Variants in UTRN observed in about 807,000 individuals in gnomAD.
The protein encoded by UTRN is dystrophin-related protein 1.
In UTRN, 283 loss-of-function variants were observed where a neutral mutation model predicts 463.9. That is an observed-to-expected ratio of 0.61 (90% confidence interval 0.55 to 0.67). The LOEUF is 0.67. Ranked by LOEUF, UTRN falls within the 30% of genes least tolerant of loss-of-function variation. UTRN has a pLI of 0.00. For missense variants in UTRN, 3,922 were observed against 4,084.3 expected (o/e 0.96, Z 1.08); for synonymous variants, 1,442 against 1,431.5 (o/e 1.01, Z -0.17).
intron 54 of UTRN, among the ~76,000 whole-genome samples, chr6:144,744,165 C>T (rs2128720586): frequency 6.8e-6 from 1 of 147,208 alleles, no homozygotes; most frequent in African/African-American, 2.5e-5. Context: ...TGGCACATAA[C>T]TGTGATCCCA....
Position 144,550,974 on chromosome 6 carries a change from GCTGA to G in UTRN, c.6823_6826del (p.Asp2275Ter). On this transcript the variant is annotated frameshift_variant, in exon 48 of 75. Transcript: ENST00000367545. LOFTEE classifies it high-confidence loss of function. Reference sequence around the variant, plus strand: ...CATTTCTACTTAACAGATTACAAAGGCTGACTTAGAACAGCGCCATCCTCAGCTG... The same window carrying G: ...CATTTCTACTTAACAGATTACAAAGGCTTAGAACAGCGCCATCCTCAGCTG... 6.3e-7 allele frequency: 1 copy of G among 1,596,244 alleles called. No homozygotes were observed. Among genetic ancestry groups the G allele is most frequent in the Non-Finnish European group, 8.5e-7 (1 of 1,175,132 alleles).
chr6:144,369,134 A>G (rs1447722735), intron 2 of UTRN, among the ~76,000 whole-genome samples: 1 of 152,236 alleles, frequency 6.6e-6, no homozygotes, highest in Non-Finnish European at 1.5e-5. Flanking sequence ...AACTTTAAGA[A>G]GTTTGGGAAG....
rs956106024 is a variant in UTRN, at chr6:144,513,976, C to T, written c.5012C>T (p.Ala1671Val). ...VAHISTWLYQAEALLDEIEKK... is the reference protein window; with the variant it reads ...VAHISTWLYQVEALLDEIEKK... ...CACATAAGTACCTGGCTTTATCAAG[C>T]TGAAGCTCTATTGGATGAAATTGAA... is the stretch of plus-strand genomic sequence containing the variant. Residue 1671 changes from alanine to valine, a missense_variant, in exon 36 of 75, where the codon GCT (alanine) becomes GTT (valine). Transcript: ENST00000367545. 2 of 1,614,010 alleles carry T rather than the reference C, an allele frequency of 1.2e-6. No individual in the cohort carries two copies. The highest frequency in any genetic ancestry group is 1.7e-6 in the Non-Finnish European group (2 of 1,179,946).
intron 51 of UTRN, among the ~76,000 whole-genome samples, chr6:144,641,853 C>T (rs1411861845): frequency 1.3e-5 from 2 of 152,170 alleles, no homozygotes. Flanking sequence ...GATTGGTTGA[C>T]TTTATGCTTT....
chr6:144,676,989 G>T (rs1382274078), intron 51 of UTRN, among the ~76,000 whole-genome samples: 3 of 152,166 alleles, frequency 2.0e-5, no homozygotes, highest in Admixed American at 6.6e-5. Context: ...AGTTGTATAA[G>T]ATTTCAAAAA....
intron 60 of UTRN, 73 bp from the exon 61 acceptor site, chr6:144,781,849 C>CT (rs1775857002): frequency 1.6e-5 from 18 of 1,143,162 alleles, no homozygotes; most frequent in Non-Finnish European, 2.3e-5. Context: ...CTAGAAATGC[C>CT]TTTGTTGTGA....
chr6:144,546,701 C>A (rs2128609567), intron 46 of UTRN, among the ~76,000 whole-genome samples: 1 of 152,080 alleles, frequency 6.6e-6, no homozygotes, highest in Middle Eastern at 3.4e-3. Flanking sequence ...TCCAACTAAT[C>A]AGGAGGCAGT....
chr6:144,712,100 C>T (rs1785779781), intron 53 of UTRN, among the ~76,000 whole-genome samples: 1 of 152,138 alleles, frequency 6.6e-6, no homozygotes, highest in Admixed American at 6.6e-5. Context: ...CAGTGGGAAA[C>T]TTGTCTTTTT....
At chr6:144,842,722 C>T (rs894913445) in intron 73 of UTRN, among the ~76,000 whole-genome samples, 19 of 152,106 alleles carry the variant, frequency 1.2e-4, no homozygotes, top group African/African-American at 4.1e-4. Context: ...GCCAGTGTTT[C>T]CCAGGTTTTC....
chr6:144,443,094 A>G (rs905627395), intron 13 of UTRN, among the ~76,000 whole-genome samples: 4 of 152,252 alleles, frequency 2.6e-5, no homozygotes, highest in Admixed American at 1.3e-4. Flanking sequence ...CACAAAGGCA[A>G]TAGTGTATCT....
chr6:144,498,224 A>G (rs1793842098), intron 33 of UTRN, among the ~76,000 whole-genome samples: 2 of 152,276 alleles, frequency 1.3e-5, no homozygotes, highest in Non-Finnish European at 2.9e-5. Context: ...GGCTCAATCC[A>G]AAGATTGTAC....
At chr6:144,331,781 G>A (rs773802309) in intron 2 of UTRN, among the ~76,000 whole-genome samples, 2 of 152,112 alleles carry the variant, frequency 1.3e-5, no homozygotes, top group African/African-American at 2.4e-5. Context: ...ATAAACTCCC[G>A]GAGTTTTGCT....
chr6:144,298,980 T>C (rs369937492), intron 2 of UTRN, among the ~76,000 whole-genome samples: 2 of 152,236 alleles, frequency 1.3e-5, no homozygotes, highest in African/African-American at 4.8e-5. Flanking sequence ...ACAATATTTA[T>C]ATGCAAAAGA....
chr6:144,344,917 C>G (rs1777438667), intron 2 of UTRN, among the ~76,000 whole-genome samples: 1 of 152,108 alleles, frequency 6.6e-6, no homozygotes, highest in South Asian at 2.1e-4. Flanking sequence ...AAGTTTACTT[C>G]CGGGGTGACT....
chr6:144,745,603 G>A (rs78054985), intron 54 of UTRN, among the ~76,000 whole-genome samples: 4,687 of 152,212 alleles, frequency 0.031, 238 homozygotes, highest in African/African-American at 0.11. Flanking sequence ...AATAAATACT[G>A]CACAAGGACT....
chr6:144,600,964 C>A (rs1309090067), intron 51 of UTRN, among the ~76,000 whole-genome samples: 1 of 152,186 alleles, frequency 6.6e-6, no homozygotes, highest in Non-Finnish European at 1.5e-5. Flanking sequence ...TATGTGAAAT[C>A]TATTCTATCT....
rs559256705 is a variant in UTRN, at chr6:144,292,445, C to T, written c.79+538C>T. On this transcript the variant is annotated intron_variant, in intron 2 of 74. Coordinates refer to ENST00000367545, the MANE Select transcript of UTRN (RefSeq NM_007124.3). Reference sequence around the variant, plus strand: ...CTCAGACAGATTCATGGTTTTCACACGAACAGTTAAATTGGGGTCCTCAGG... The same window carrying T: ...CTCAGACAGATTCATGGTTTTCACATGAACAGTTAAATTGGGGTCCTCAGG... 1.6e-4 allele frequency among the ~76,000 whole-genome samples: 24 copies of T among 152,240 alleles called. No individual in the cohort carries two copies. The South Asian group carries it at 3.7e-3, about 24-fold the overall frequency.
chr6:144,305,322 A>G (rs1194295995), intron 2 of UTRN, among the ~76,000 whole-genome samples: 3 of 152,240 alleles, frequency 2.0e-5, no homozygotes, highest in Non-Finnish European at 4.4e-5. Flanking sequence ...GTGTTTATGT[A>G]TTCATATTAT....
intron 51 of UTRN, among the ~76,000 whole-genome samples, chr6:144,664,861 A>G (rs1003685765): frequency 2.0e-5 from 3 of 151,480 alleles, no homozygotes; most frequent in Non-Finnish European, 1.5e-5. Context: ...TGCCTATTCT[A>G]TTATTATTTA....
Sources: gnomAD v4.1 joint callset for allele counts (sites outside exome capture counted in the v4.1 genomes callset) on GRCh38, gnomAD v4.1.1 for gene constraint, MANE v1.5 for transcripts, NCBI Gene and HGNC (gene_info 2026-07-23, HGNC 2026-07-21) for gene names.